Variants in PLCB1 observed in about 807,000 individuals in gnomAD.
PLCB1 encodes the protein phospholipase C beta 1.
Under a neutral mutation model 161.8 loss-of-function variants are expected in PLCB1, and 46 were observed. The observed-to-expected ratio is 0.28, with a 90% CI of 0.22 to 0.36. PLCB1 has a LOEUF of 0.36. Among genes scored for constraint, PLCB1 ranks in the 10% least tolerant of loss-of-function variants. PLCB1 has a pLI of 1.00. For synonymous variants in PLCB1, 517 were observed against 503.7 expected, an observed-to-expected ratio of 1.03 and a Z score of -0.35; for missense variants, 1,016 against 1,472.5, an observed-to-expected ratio of 0.69 and a Z score of 5.07.
chr20:8,774,448 A>G (rs1278536886), intron 26 of PLCB1, 91 bp from the exon 27 acceptor site: 1 of 1,270,052 alleles, frequency 7.9e-7, no homozygotes, highest in Non-Finnish European at 1.1e-6. Context: ...CCAAACAGAG[A>G]ACTTTCTCTA....
chr20:8,252,873 G>A (rs6039111), intron 2 of PLCB1, among the ~76,000 whole-genome samples: 51,630 of 151,772 alleles, frequency 0.34, 8,836 homozygotes, highest in East Asian at 0.44. Context: ...AATGGTTTCT[G>A]TGGTGCCATT....
In PLCB1 at chr20:8,798,706, A is replaced by G. The variant is rs1984148822; in HGVS notation, c.3423+8445A>G. The stretch of plus-strand genomic sequence containing the variant: ...AGACACATAAATCAACAGATCAGCA[A>G]CAATGCCTGAGTATTACACAATGAC... On this transcript the variant is annotated intron_variant, in intron 31 of 31. Transcript: ENST00000338037. Among the ~76,000 whole-genome samples the G allele has an allele frequency of 2.0e-5, 3 of 152,304 alleles. No individual in the cohort carries two copies. In the South Asian group the frequency reaches 6.2e-4, roughly 32 times the overall value.
chr20:8,648,955 GAAA>G (rs1989239673), intron 6 of PLCB1, among the ~76,000 whole-genome samples: 3 of 111,136 alleles, frequency 2.7e-5, no homozygotes, highest in South Asian at 2.9e-4. Context: ...AAAAAAAAAA[GAAA>G]GAAAGAAAGA....
chr20:8,644,649 G>A (rs1291698862), intron 4 of PLCB1, among the ~76,000 whole-genome samples: 29 of 151,756 alleles, frequency 1.9e-4, no homozygotes, highest in African/African-American at 6.8e-4. Flanking sequence ...CAGCCAACCT[G>A]TCTGGGAAGT....
At chr20:8,722,873 T>A (rs1349715546) in intron 15 of PLCB1, among the ~76,000 whole-genome samples, 1 of 151,994 alleles carries the variant, frequency 6.6e-6, no homozygotes, top group Middle Eastern at 3.2e-3. Context: ...ATAAAACACA[T>A]CCAGGTGCAG....
chr20:8,472,533 ACT>A (rs532234827), intron 3 of PLCB1, among the ~76,000 whole-genome samples: 2 of 151,862 alleles, frequency 1.3e-5, no homozygotes, highest in African/African-American at 4.8e-5. Flanking sequence ...TTATAGAACA[ACT>A]CTCTCTGGAA....
chr20:8,159,129 A>G (rs6039059), intron 2 of PLCB1, among the ~76,000 whole-genome samples: 61,704 of 151,868 alleles, frequency 0.41, 12,555 homozygotes, highest in Middle Eastern at 0.46. Context: ...CCATGAGAGC[A>G]CCACCCCAGC....
chr20:8,662,447 T>C (rs1216643932), intron 9 of PLCB1, among the ~76,000 whole-genome samples: 1 of 97,634 alleles, frequency 1.0e-5, no homozygotes, highest in Non-Finnish European at 2.1e-5. Context: ...TTATGTGTTA[T>C]GTATAATTAT....
intron 2 of PLCB1, among the ~76,000 whole-genome samples, chr20:8,298,998 A>ATAGG (rs1358601676): frequency 9.4e-5 from 3 of 31,780 alleles, no homozygotes; most frequent in Non-Finnish European, 1.5e-4. Flanking sequence ...GAACCAACTT[A>ATAGG]TAGGTAGGTA....
At chr20:8,318,869 A>G (rs930186961) in intron 2 of PLCB1, among the ~76,000 whole-genome samples, 8 of 152,326 alleles carry the variant, frequency 5.3e-5, no homozygotes, top group Non-Finnish European at 1.2e-4. Context: ...TTTATAATCT[A>G]TTAAGTGTCA....
intron 2 of PLCB1, among the ~76,000 whole-genome samples, chr20:8,263,309 CTG>C (rs1443789455): frequency 3.3e-5 from 5 of 151,174 alleles, no homozygotes; most frequent in Non-Finnish European, 7.4e-5. Flanking sequence ...ATCAAAATGA[CTG>C]TATTAAAAAG....
At chr20:8,311,825 A>G (rs1320919952) in intron 2 of PLCB1, among the ~76,000 whole-genome samples, 1 of 152,158 alleles carries the variant, frequency 6.6e-6, no homozygotes, top group Non-Finnish European at 1.5e-5. Context: ...CCCTAAAGTT[A>G]AGGTTGGTCT....
chr20:8,792,195 T>C (rs1983790577), intron 31 of PLCB1: 1 of 173,556 alleles, frequency 5.8e-6, no homozygotes, highest in African/African-American at 2.4e-5. Context: ...TGTAACCCTT[T>C]CTAGGATTGA....
chr20:8,468,323 TAAA>T (rs1235763488), intron 3 of PLCB1, among the ~76,000 whole-genome samples: 3 of 152,158 alleles, frequency 2.0e-5, no homozygotes, highest in Non-Finnish European at 2.9e-5. Flanking sequence ...TATACCTTAA[TAAA>T]GAAGAAAAAC....
At chr20:8,604,952 A>G (rs1987710714) in intron 3 of PLCB1, among the ~76,000 whole-genome samples, 2 of 152,132 alleles carry the variant, frequency 1.3e-5, no homozygotes, top group Non-Finnish European at 2.9e-5. Context: ...TTTTAAGTAA[A>G]TTTATTTTTT....
At chr20:8,183,010 C>T (rs563526011) in intron 2 of PLCB1, among the ~76,000 whole-genome samples, 10 of 152,158 alleles carry the variant, frequency 6.6e-5, no homozygotes, top group East Asian at 3.9e-4. Context: ...TATTTGAGCC[C>T]GTGAAGCTGC....
At chr20:8,412,908 T>A (rs1043927574) in intron 3 of PLCB1, among the ~76,000 whole-genome samples, 2 of 152,076 alleles carry the variant, frequency 1.3e-5, no homozygotes, top group Non-Finnish European at 2.9e-5. Flanking sequence ...GTTTTTCTTT[T>A]TATATGTTTC....
Position 8,406,734 on chromosome 20 carries a change from A to G in PLCB1, c.246+35284A>G, listed in dbSNP as rs140069468. Reference sequence around the variant, plus strand: ...CAAAGAGTAAGGCTGTTCAAATTCTATTATTCAGTTTTACCAGTATTACAG... The same window carrying G: ...CAAAGAGTAAGGCTGTTCAAATTCTGTTATTCAGTTTTACCAGTATTACAG... On this transcript the variant is annotated intron_variant, in intron 3 of 31. Transcript: ENST00000338037. Among the ~76,000 whole-genome samples, 479 of 152,306 alleles carry G rather than the reference A, an allele frequency of 3.1e-3. 3 individuals carry two copies. Among genetic ancestry groups the G allele is most frequent in the African/African-American group, 0.011 (451 of 41,570 alleles).
At chr20:8,702,429 A>G (rs1978419649) in intron 11 of PLCB1, among the ~76,000 whole-genome samples, 1 of 152,216 alleles carries the variant, frequency 6.6e-6, no homozygotes, top group Admixed American at 6.5e-5. Context: ...GGATAATGTA[A>G]TAAAATATAT....
Sources: gnomAD v4.1 joint callset for allele counts (sites outside exome capture counted in the v4.1 genomes callset) on GRCh38, gnomAD v4.1.1 for gene constraint, MANE v1.5 for transcripts, NCBI Gene and HGNC (gene_info 2026-07-23, HGNC 2026-07-21) for gene names.